The following WDR25 variants were observed in gnomAD, a reference collection of about 807,000 sequenced individuals.
WDR25 encodes the protein WD repeat-containing protein 25.
WDR25 carries 35 observed loss-of-function variants against 47.7 expected under a neutral mutation model. The ratio of observed to expected loss-of-function variants is 0.73; its 90% CI spans 0.56 to 0.97. The LOEUF is 0.97. WDR25 is among the 50% of genes least tolerant of loss of function. WDR25 has a pLI of 0.00. For synonymous variants in WDR25, 248 were observed against 278.9 expected (o/e 0.89, Z 1.10); for missense variants, 634 against 704.7 (o/e 0.90, Z 1.14).
At chr14:100,388,157 T>G (rs1897059165) in intron 2 of WDR25, among the ~76,000 whole-genome samples, 1 of 152,166 alleles carries the variant, frequency 6.6e-6, no homozygotes, top group Admixed American at 6.5e-5. Context: ...TGCAGATGAT[T>G]GGCAATTTAT....
rs112478853 is a variant in WDR25 at position 100,493,224 on chromosome 14, A to C, written c.1101+9100A>C. Among the ~76,000 whole-genome samples the C allele has an allele frequency of 1.8e-3, 269 of 152,330 alleles. 3 individuals carry two copies. Among genetic ancestry groups the C allele is most frequent in the African/African-American group, 4.8e-3 (198 of 41,572 alleles). On this transcript the variant is annotated intron_variant, in intron 4 of 6. Coordinates refer to ENST00000402312, the MANE Select transcript of WDR25 (RefSeq NM_001161476.3). ...GTTTGCAGGGTTATGCAGCCACAGCAGTCGGTTGAGAACATTTTCCTCACC... is the reference window on the plus strand; with the variant it reads ...GTTTGCAGGGTTATGCAGCCACAGCCGTCGGTTGAGAACATTTTCCTCACC...
chr14:100,415,960 G>A (rs574887109), intron 2 of WDR25, among the ~76,000 whole-genome samples: 10 of 152,152 alleles, frequency 6.6e-5, no homozygotes, highest in African/African-American at 2.2e-4. Context: ...CTGCTCTGCC[G>A]CTGTCCTTCT....
intron 2 of WDR25, among the ~76,000 whole-genome samples, chr14:100,400,974 T>G (rs35812743): frequency 0.19 from 28,627 of 152,158 alleles, 2,839 homozygotes; most frequent in Non-Finnish European, 0.21. Context: ...TGTGGGATCT[T>G]TGCAAATAAA....
At chr14:100,481,072 A>G (rs1233938976) in intron 3 of WDR25, 2 of 428,978 alleles carry the variant, frequency 4.7e-6, no homozygotes, top group East Asian at 7.7e-5. Flanking sequence ...AAAAGGCAGC[A>G]GCGAAGGATA....
chr14:100,396,913 C>T (rs1001891215), intron 2 of WDR25, among the ~76,000 whole-genome samples: 5 of 152,200 alleles, frequency 3.3e-5, no homozygotes, highest in African/African-American at 1.2e-4. Context: ...TGGCCAGGGA[C>T]CTTGCAAAGT....
intron 2 of WDR25, among the ~76,000 whole-genome samples, chr14:100,453,459 C>T (rs1330656509): frequency 6.6e-6 from 1 of 152,194 alleles, no homozygotes; most frequent in East Asian, 1.9e-4. Flanking sequence ...ACTCAGTTCA[C>T]TCAACTAACT....
intron 2 of WDR25, among the ~76,000 whole-genome samples, chr14:100,420,906 T>C (rs1898007573): frequency 6.6e-6 from 1 of 152,240 alleles, no homozygotes; most frequent in African/African-American, 2.4e-5. Context: ...TCTGTCCCAC[T>C]GTCCTGGATG....
In WDR25 at chr14:100,425,934, G is replaced by A. The variant is rs888070456; in HGVS notation, c.823-42087G>A. Among the ~76,000 whole-genome samples, 3 of 152,200 alleles carry A rather than the reference G, an allele frequency of 2.0e-5. No homozygotes were observed. The highest frequency in any genetic ancestry group is 6.5e-5 in the Admixed American group (1 of 15,280). On this transcript the variant is annotated intron_variant, in intron 2 of 6. Transcript: ENST00000402312. The surrounding 1 kb of genome is among the most constrained non-coding windows in gnomAD (Gnocchi z 4.8). ...GCCAGGGCGAGACCCTGGGCCTTGC[G>A]AGGACGCCGTCCTGACATTTCCACC...
intron 4 of WDR25, among the ~76,000 whole-genome samples, chr14:100,519,710 T>C (rs146939778): frequency 0.031 from 4,354 of 142,666 alleles, 201 homozygotes; most frequent in African/African-American, 0.11. Flanking sequence ...ATAGTATATA[T>C]AGTGTATATA....
At chr14:100,385,883 G>A (rs1897008225) in intron 2 of WDR25, among the ~76,000 whole-genome samples, 2 of 152,106 alleles carry the variant, frequency 1.3e-5, no homozygotes, top group South Asian at 2.1e-4. Flanking sequence ...CGTGGCCTGC[G>A]TTAACCAAAA....
At chr14:100,401,282 C>T (rs921488918) in intron 2 of WDR25, among the ~76,000 whole-genome samples, 1 of 152,184 alleles carries the variant, frequency 6.6e-6, no homozygotes, top group Admixed American at 6.5e-5. Context: ...CTGCCGGCCT[C>T]CTCGTGGTCT....
In WDR25 at chr14:100,449,429, T is replaced by C. The variant is rs1271939630; in HGVS notation, c.823-18592T>C. 2.0e-5 allele frequency among the ~76,000 whole-genome samples: 3 copies of C among 152,214 alleles called. No homozygotes were observed. On this transcript the variant is annotated intron_variant, in intron 2 of 6. Coordinates refer to ENST00000402312, the MANE Select transcript of WDR25 (RefSeq NM_001161476.3). This position sits in a 1 kb window ranked among gnomAD's most constrained non-coding sequence, Gnocchi z 4.2. Reference sequence around the variant, plus strand: ...GCAGCAGGACATGAGCAACCTGACTTTCTGAGAGTGGTCACCTCTATTCCG... The same window carrying C: ...GCAGCAGGACATGAGCAACCTGACTCTCTGAGAGTGGTCACCTCTATTCCG...
rs916945578 is a variant in WDR25 at position 100,378,957 on chromosome 14, CAAAAAAAAAAAAAAAAAAAAAA to C, written c.-15-1936_-15-1915del. 0.023 allele frequency among the ~76,000 whole-genome samples: 61 copies of C among 2,624 alleles called. 14 individuals are homozygous for C. In the East Asian group the frequency reaches 0.37, roughly 16 times the overall value. 1.7% of individuals were successfully genotyped at this position (2,624 alleles called of 152,430 possible). A position where few individuals can be genotyped will look rare whatever the true frequency, so the allele number is the denominator to read the frequency against. On this transcript the variant is annotated intron_variant, in intron 1 of 6. Coordinates refer to ENST00000402312, the MANE Select transcript of WDR25 (RefSeq NM_001161476.3). ...TGGGCGACAGAGCGAGACTCCGTCT[CAAAAAAAAAAAAAAAAAAAAAA>C]AAAAAAAAAAAAAAAAGAATGTTCC... is the stretch of plus-strand genomic sequence containing the variant.
Position 100,525,624 on chromosome 14 carries a change from G to A in WDR25, c.1102-246G>A, listed in dbSNP as rs745633400. 1.2e-4 allele frequency among the ~76,000 whole-genome samples: 19 copies of A among 152,170 alleles called. No individual in the cohort carries two copies. Among genetic ancestry groups the A allele is most frequent in the Non-Finnish European group, 2.2e-4 (15 of 68,036 alleles). ...CCTGCTGCTCTCAAGGGGTGATAGG[G>A]ATGCCTCTCTGGACCCATGTGGCAA... On this transcript the variant is annotated intron_variant, in intron 4 of 6. Coordinates refer to ENST00000402312, the MANE Select transcript of WDR25 (RefSeq NM_001161476.3). The surrounding 1 kb of genome is among the most constrained non-coding windows in gnomAD (Gnocchi z 4.6).
At chr14:100,471,936 G>A (rs1015865511) in intron 3 of WDR25, among the ~76,000 whole-genome samples, 1 of 152,226 alleles carries the variant, frequency 6.6e-6, no homozygotes, top group African/African-American at 2.4e-5. Context: ...GTTAGGCTGA[G>A]GTGGCCTCAG....
chr14:100,506,760 ATTTG>A lies in WDR25; in HGVS notation c.1102-19106_1102-19103del, dbSNP rs1901125857. Among the ~76,000 whole-genome samples, 1 of 151,686 alleles carries A rather than the reference ATTTG, an allele frequency of 6.6e-6. No homozygotes were observed. The highest frequency in any genetic ancestry group is 1.5e-5 in the Non-Finnish European group (1 of 67,868). ...CTTTGGCCCATTTTTTAATAGGGTT[ATTTG>A]TTTTTTTGCTTGTTCAATTGTTTAA... On this transcript the variant is annotated intron_variant, in intron 4 of 6. Transcript: ENST00000402312. This position sits in a 1 kb window ranked among gnomAD's most constrained non-coding sequence, Gnocchi z 4.8.
At chr14:100,497,181 C>T (rs1358708303) in intron 4 of WDR25, among the ~76,000 whole-genome samples, 1 of 152,114 alleles carries the variant, frequency 6.6e-6, no homozygotes, top group Admixed American at 6.5e-5. Context: ...GTTGAATGTT[C>T]CATATGCTCC....
At chr14:100,417,621 G>T (rs906291264) in intron 2 of WDR25, among the ~76,000 whole-genome samples, 1 of 152,200 alleles carries the variant, frequency 6.6e-6, no homozygotes, top group African/African-American at 2.4e-5. Flanking sequence ...TCTGCTTGCG[G>T]ATGGGGGTGC....
intron 2 of WDR25, among the ~76,000 whole-genome samples, chr14:100,398,661 G>A (rs1897311798): frequency 6.7e-6 from 1 of 149,348 alleles, no homozygotes; most frequent in South Asian, 2.2e-4. Flanking sequence ...GACTTTATTT[G>A]CATTTCACCA....
Sources: gnomAD v4.1 joint callset for allele counts (sites outside exome capture counted in the v4.1 genomes callset) on GRCh38, gnomAD v4.1.1 for gene constraint, Gnocchi (gnomAD v3.1) non-coding constraint, MANE v1.5 for transcripts, NCBI Gene and HGNC (gene_info 2026-07-23, HGNC 2026-07-21) for gene names.